Variants in TRIM37 observed in about 807,000 individuals in gnomAD.
TRIM37 encodes the protein E3 ubiquitin-protein ligase TRIM37.
TRIM37 carries 80 observed loss-of-function variants against 129.8 expected under a neutral mutation model. The observed-to-expected ratio is 0.62, with a 90% CI of 0.51 to 0.74. The LOEUF (loss-of-function observed/expected upper bound fraction) is 0.74. Among genes scored for constraint, TRIM37 ranks in the 30% least tolerant of loss-of-function variants. The pLI is 0.00. For synonymous variants in TRIM37, 389 were observed against 387.1 expected, an observed-to-expected ratio of 1.00 and a Z score of -0.06; for missense variants, 1,054 against 1,176.5, an observed-to-expected ratio of 0.90 and a Z score of 1.52.
downstream of TRIM37, among the ~76,000 whole-genome samples, chr17:58,996,950 A>G (rs750636645): frequency 2.6e-5 from 4 of 152,114 alleles, no homozygotes; most frequent in African/African-American, 4.8e-5. Flanking sequence ...CCAAATAAGA[A>G]GAACATTTAA....
chr17:58,989,980 G>C (rs1354380296), intron 24 of TRIM37, among the ~76,000 whole-genome samples: 1 of 151,258 alleles, frequency 6.6e-6, no homozygotes, highest in Non-Finnish European at 1.5e-5. Flanking sequence ...AAACTTAGGA[G>C]TTCAAGACCA....
chr17:59,082,962 C>T (rs2043427234), intron 5 of TRIM37, among the ~76,000 whole-genome samples: 2 of 152,234 alleles, frequency 1.3e-5, no homozygotes, highest in South Asian at 4.1e-4. Context: ...CCAATCTGGC[C>T]TGCCACTCTC....
At chr17:59,080,648 G>A (rs2043176356) in intron 6 of TRIM37, among the ~76,000 whole-genome samples, 2 of 152,022 alleles carry the variant, frequency 1.3e-5, no homozygotes, top group Non-Finnish European at 2.9e-5. Flanking sequence ...AAAATTAGCT[G>A]GGCGTGGTGG....
chr17:59,023,164 C>T (rs920745745), intron 19 of TRIM37, among the ~76,000 whole-genome samples: 3 of 152,136 alleles, frequency 2.0e-5, no homozygotes, highest in Non-Finnish European at 2.9e-5. Context: ...CAACCTCCAC[C>T]TCCTGGGTTC....
rs554723633 is a variant in TRIM37, at chr17:59,031,727, G to A, written c.1948+169C>T. Among the ~76,000 whole-genome samples the A allele has an allele frequency of 9.1e-4, 138 of 152,244 alleles. 1 individual carries two copies. Among genetic ancestry groups the A allele is most frequent in the African/African-American group, 3.2e-3 (132 of 41,548 alleles). On this transcript the variant is annotated intron_variant, in intron 18 of 23. Transcript: ENST00000262294. Reference sequence around the variant, plus strand: ...GTTTTTGCACAAATCACCTTTGAACGGTAATTTAAAAACTAATTTGGTTGA... The same window carrying A: ...GTTTTTGCACAAATCACCTTTGAACAGTAATTTAAAAACTAATTTGGTTGA...
intron 24 of TRIM37, among the ~76,000 whole-genome samples, chr17:58,990,428 T>C (rs2032261930): frequency 6.7e-6 from 1 of 150,232 alleles, no homozygotes; most frequent in Non-Finnish European, 1.5e-5. Context: ...GAGATGGAGG[T>C]TGTAGTGAGC....
At chr17:59,022,984 T>A (rs1050661555) in intron 19 of TRIM37, among the ~76,000 whole-genome samples, 1 of 152,138 alleles carries the variant, frequency 6.6e-6, no homozygotes, top group Non-Finnish European at 1.5e-5. Flanking sequence ...ATATTCGAAT[T>A]TTTTTCAACC....
chr17:58,990,650 G>A (rs2144100952), intron 24 of TRIM37, among the ~76,000 whole-genome samples: 1 of 151,618 alleles, frequency 6.6e-6, no homozygotes, highest in South Asian at 2.1e-4. Flanking sequence ...AATTAGCTGG[G>A]TGTGGTGGTG....
At chr17:59,042,426 G>A (rs2039279955) in intron 16 of TRIM37, among the ~76,000 whole-genome samples, 2 of 37,650 alleles carry the variant, frequency 5.3e-5, no homozygotes, top group African/African-American at 1.6e-4. Context: ...AGAAAAAAAG[G>A]AATTTAAAAA....
intron 19 of TRIM37, among the ~76,000 whole-genome samples, chr17:59,027,258 C>T (rs1239006066): frequency 6.6e-6 from 1 of 152,158 alleles, no homozygotes; most frequent in Non-Finnish European, 1.5e-5. Context: ...GCCCCATAAC[C>T]TGCTTCTTAT....
downstream of TRIM37, chr17:58,982,527 G>A (rs962773523): frequency 1.5e-5 from 3 of 203,186 alleles, no homozygotes; most frequent in South Asian, 9.0e-5. Context: ...GATAGTACAC[G>A]TTCCCCAGGC....
At chr17:58,992,629 C>A (rs994194403) in intron 24 of TRIM37, among the ~76,000 whole-genome samples, 2 of 152,112 alleles carry the variant, frequency 1.3e-5, no homozygotes, top group Admixed American at 6.6e-5. Context: ...ATCTGCCTTC[C>A]TCGGCCTCCC....
At chr17:59,063,369 G>A (rs533688793) in intron 10 of TRIM37, among the ~76,000 whole-genome samples, 3 of 152,132 alleles carry the variant, frequency 2.0e-5, no homozygotes, top group South Asian at 4.2e-4. Flanking sequence ...TAGTAGAGAC[G>A]GGGTTTACCA....
Position 59,028,420 on chromosome 17 carries a change from C to T in TRIM37, c.2252G>A (p.Arg751Gln), listed in dbSNP as rs1890929489. Residue 751 changes from arginine (R) to glutamine (Q), a missense_variant, in exon 19 of 24, where the codon CGA becomes CAA. By Grantham distance (43) the Arg-to-Gln change is conservative. Coordinates refer to ENST00000262294, the MANE Select transcript of TRIM37 (RefSeq NM_015294.6). Reference sequence around the variant, plus strand: ...ACTGGGAACATATTACTTACAGTTTCGTATGTAACAATTGGCAACTGATGA... The same window carrying T: ...ACTGGGAACATATTACTTACAGTTTTGTATGTAACAATTGGCAACTGATGA... Reference protein sequence around the residue: ...AKSSVANCYIRNSTNKKSNSP... With the variant: ...AKSSVANCYIQNSTNKKSNSP... 6 of 1,611,420 alleles carry T rather than the reference C, an allele frequency of 3.7e-6. No individual in the cohort carries two copies. The highest frequency in any genetic ancestry group is 2.7e-5 in the African/African-American group (2 of 74,920).
intron 22 of TRIM37, 36 bp downstream of exon 22, chr17:59,012,292 C>A (rs1353466918): frequency 2.4e-6 from 3 of 1,229,496 alleles, no homozygotes; most frequent in Non-Finnish European, 3.4e-6. Context: ...ACAGAATTCT[C>A]ATTTCCTGCT....
intron 3 of TRIM37, 106 bp downstream of exon 3, chr17:59,091,194 A>C: frequency 1.6e-6 from 1 of 641,184 alleles, no homozygotes. Context: ...ATCTTCACGA[A>C]GAAGAGAAAT....
chr17:59,106,537 C>T lies in TRIM37; in HGVS notation c.-76G>A. 7 of 1,582,726 alleles carry T rather than the reference C, an allele frequency of 4.4e-6. No homozygotes were observed. Among genetic ancestry groups the T allele is most frequent in the Middle Eastern group, 1.7e-4 (1 of 5,844 alleles). ...GACCTCTTAGGCGCCGGCCCGAGGT[C>T]GCCAGATCAAATCGCCGATAAAAGC... On this transcript the variant is annotated 5_prime_UTR_variant, in exon 1 of 24. Transcript: ENST00000262294.
chr17:58,990,713 C>A (rs2032296530), intron 24 of TRIM37, among the ~76,000 whole-genome samples: 1 of 150,280 alleles, frequency 6.7e-6, no homozygotes, highest in African/African-American at 2.5e-5. Flanking sequence ...ATCACTTGAA[C>A]CCGGGAGGCA....
At chr17:58,975,631 G>A in the TRIM37 span, among the ~76,000 whole-genome samples, 1 of 152,198 alleles carries the variant, frequency 6.6e-6, no homozygotes, top group African/African-American at 2.4e-5. Flanking sequence ...GGCATGGCAT[G>A]TTTTAGGAAA....
Sources: gnomAD v4.1 joint callset for allele counts (sites outside exome capture counted in the v4.1 genomes callset) on GRCh38, gnomAD v4.1.1 for gene constraint, MANE v1.5 for transcripts, NCBI Gene and HGNC (gene_info 2026-07-23, HGNC 2026-07-21) for gene names.